PALM2AKAP2: variants seen among roughly 807,000 people sequenced by gnomAD.
PALM2AKAP2 encodes PALM2 and AKAP2 fusion.
Under a neutral mutation model 71.5 loss-of-function variants are expected in PALM2AKAP2, and 37 were observed. That is an observed-to-expected ratio of 0.52 (90% CI 0.40 to 0.68). The LOEUF is 0.68. PALM2AKAP2 is among the 30% of genes least tolerant of loss of function. The pLI is 0.00. For missense variants in PALM2AKAP2, 1,224 were observed against 1,191.8 expected, an observed-to-expected ratio of 1.03 and a Z score of -0.40; for synonymous variants, 468 against 478.8, an observed-to-expected ratio of 0.98 and a Z score of 0.29.
At chr9:110,078,991 C>T (rs187347360) in intron 1 of PALM2AKAP2, among the ~76,000 whole-genome samples, 8 of 152,182 alleles carry the variant, frequency 5.3e-5, no homozygotes, top group Non-Finnish European at 7.3e-5. Context: ...TTTGAAATAT[C>T]GCCCTGGGCC....
chr9:109,890,808 C>T lies in PALM2AKAP2; in HGVS notation c.257+10127C>T, dbSNP rs1564197318. 2.0e-5 allele frequency among the ~76,000 whole-genome samples: 3 copies of T among 152,180 alleles called. 1 individual carries two copies. Among genetic ancestry groups the T allele is most frequent in the South Asian group, 4.1e-4 (2 of 4,830 alleles). ...TAAATGTGATTCACCTGAGGCCACA[C>T]GCAGAGTGAGGAGATACCAGTGTGC... On this transcript the variant is annotated intron_variant, in intron 3 of 9. Transcript: ENST00000302798.
At chr9:110,138,332 A>G (rs1335217951) in exon 2 of PALM2AKAP2, 11 of 1,614,158 alleles carry the variant, frequency 6.8e-6, no homozygotes, top group Admixed American at 1.7e-5. Context: ...CCTCCTGGCC[A>G]CTCAAGAATC....
At chr9:109,888,368 G>A (rs1405321412) in intron 3 of PALM2AKAP2, among the ~76,000 whole-genome samples, 1 of 150,832 alleles carries the variant, frequency 6.6e-6, no homozygotes, top group Admixed American at 6.6e-5. Flanking sequence ...AATGTGTAGA[G>A]GTCAGGTGTG....
intron 2 of PALM2AKAP2, among the ~76,000 whole-genome samples, chr9:109,873,026 A>G (rs1261342226): frequency 6.6e-6 from 1 of 152,216 alleles, no homozygotes; most frequent in Non-Finnish European, 1.5e-5. Context: ...CCAAACCAAG[A>G]TCTTATTTAT....
At chr9:110,133,992 T>C (rs1051850553) in intron 1 of PALM2AKAP2, among the ~76,000 whole-genome samples, 6 of 152,264 alleles carry the variant, frequency 3.9e-5, no homozygotes, top group Admixed American at 3.9e-4. Flanking sequence ...TAGTTAATAG[T>C]TTTAAAAGGG....
intron 1 of PALM2AKAP2, among the ~76,000 whole-genome samples, chr9:109,703,421 G>T (rs1828094428): frequency 6.6e-6 from 1 of 151,944 alleles, no homozygotes; most frequent in South Asian, 2.1e-4. Flanking sequence ...TATATTTATT[G>T]CATACCCAGT....
intron 1 of PALM2AKAP2, among the ~76,000 whole-genome samples, chr9:109,731,973 G>A (rs1054685587): frequency 6.6e-6 from 1 of 152,102 alleles, no homozygotes; most frequent in Non-Finnish European, 1.5e-5. Flanking sequence ...CACAAATAAC[G>A]TCCTGGCCAG....
chr9:109,711,619 G>T (rs1039857449), intron 1 of PALM2AKAP2, among the ~76,000 whole-genome samples: 1 of 152,234 alleles, frequency 6.6e-6, no homozygotes, highest in African/African-American at 2.4e-5. Context: ...GGGTGCACAG[G>T]CACCTGACAT....
chr9:109,703,550 A>G (rs1194339498), intron 1 of PALM2AKAP2, among the ~76,000 whole-genome samples: 1 of 152,136 alleles, frequency 6.6e-6, no homozygotes, highest in African/African-American at 2.4e-5. Flanking sequence ...TTTTCAAAAT[A>G]GCTTCTTTAT....
At chr9:110,046,786 T>A (rs1339861448), upstream of PALM2AKAP2, among the ~76,000 whole-genome samples, 3 of 152,188 alleles carry the variant, frequency 2.0e-5, no homozygotes, top group Non-Finnish European at 2.9e-5. Context: ...CTGTTTCTAA[T>A]AATGAAACTA....
At chr9:109,689,567 G>A (rs7865886) in intron 1 of PALM2AKAP2, among the ~76,000 whole-genome samples, 112,836 of 152,166 alleles carry the variant, frequency 0.74, 42,671 homozygotes, top group African/African-American at 0.89. Context: ...TATATTTTTA[G>A]GAGAACACAA....
At chr9:110,041,297 G>GT (rs58045729) in intron 7 of PALM2AKAP2, among the ~76,000 whole-genome samples, 58 of 150,124 alleles carry the variant, frequency 3.9e-4, no homozygotes, top group South Asian at 8.4e-4. Context: ...TTTGAATAGT[G>GT]TTTTTTTTTT....
intron 1 of PALM2AKAP2, among the ~76,000 whole-genome samples, chr9:109,838,137 C>A (rs1018916348): frequency 2.6e-5 from 4 of 152,182 alleles, no homozygotes; most frequent in African/African-American, 9.7e-5. Context: ...GTAAAGCACT[C>A]CTCAGCAAAT....
intron 1 of PALM2AKAP2, among the ~76,000 whole-genome samples, chr9:109,703,931 G>A (rs1828103636): frequency 6.6e-6 from 1 of 152,116 alleles, no homozygotes; most frequent in South Asian, 2.1e-4. Context: ...AAATTAAGAG[G>A]TCTTTCATAG....
intron 1 of PALM2AKAP2, among the ~76,000 whole-genome samples, chr9:109,758,786 G>T (rs1384175359): frequency 6.6e-6 from 1 of 151,996 alleles, no homozygotes; most frequent in Non-Finnish European, 1.5e-5. Context: ...AAAGGGTGGG[G>T]ATCAGATTCT....
intron 3 of PALM2AKAP2, among the ~76,000 whole-genome samples, chr9:109,897,826 T>G (rs2131838029): frequency 6.6e-6 from 1 of 152,324 alleles, no homozygotes; most frequent in South Asian, 2.1e-4. Flanking sequence ...CCTAATCACA[T>G]TTTTAGAAAT....
At chr9:109,762,241 G>A (rs1048075737) in intron 1 of PALM2AKAP2, among the ~76,000 whole-genome samples, 1 of 152,016 alleles carries the variant, frequency 6.6e-6, no homozygotes, top group Non-Finnish European at 1.5e-5. Context: ...TCCCTGGGAA[G>A]TTTTTGATCT....
chr9:110,136,579 C>T (rs374267815), exon 2 of PALM2AKAP2: 138 of 1,613,510 alleles, frequency 8.6e-5, no homozygotes, highest in Admixed American at 3.2e-4. Context: ...CACCTCCTCA[C>T]ATCGAGCTCA....
chr9:109,815,332 T>C (rs1440863381), intron 1 of PALM2AKAP2, among the ~76,000 whole-genome samples: 1 of 152,328 alleles, frequency 6.6e-6, no homozygotes, highest in East Asian at 1.9e-4. Flanking sequence ...ACATGTGAGA[T>C]GCCTGATAGG....
Sources: gnomAD v4.1 joint callset for allele counts (sites outside exome capture counted in the v4.1 genomes callset) on GRCh38, gnomAD v4.1.1 for gene constraint, MANE v1.5 for transcripts, NCBI Gene and HGNC (gene_info 2026-07-23, HGNC 2026-07-21) for gene names.